Variants in FBRSL1 observed in about 807,000 individuals in gnomAD.
FBRSL1 encodes the protein fibrosin-1-like protein.
FBRSL1 carries 51 observed loss-of-function variants against 89.6 expected under a neutral mutation model. The ratio of observed to expected loss-of-function variants is 0.57; its 90% CI spans 0.45 to 0.72. The LOEUF is 0.72. Among genes scored for constraint, FBRSL1 ranks in the 30% least tolerant of loss-of-function variants. The pLI is 0.00. For missense variants in FBRSL1, 1,618 were observed against 1,451.8 expected (o/e 1.11, Z -1.86); for synonymous variants, 779 against 681.1 (o/e 1.14, Z -2.24).
chr12:132,504,868 G>A (rs191718072), intron 1 of FBRSL1, among the ~76,000 whole-genome samples: 9 of 152,210 alleles, frequency 5.9e-5, no homozygotes, highest in East Asian at 1.9e-4. Context: ...GGTGGCTCAC[G>A]CCTGTAATCC....
intron 1 of FBRSL1, among the ~76,000 whole-genome samples, chr12:132,500,859 T>C (rs1388548809): frequency 6.6e-6 from 1 of 152,132 alleles, no homozygotes; most frequent in Non-Finnish European, 1.5e-5. Flanking sequence ...TGCCGCAGTG[T>C]CCCCCACAGC....
At chr12:132,521,878 T>C (rs909878865) in intron 2 of FBRSL1, among the ~76,000 whole-genome samples, 1 of 152,168 alleles carries the variant, frequency 6.6e-6, no homozygotes, top group Non-Finnish European at 1.5e-5. Flanking sequence ...TGCTCCACTT[T>C]GGGCGGGGCC....
At chr12:132,532,198 C>A (rs1220349229) in intron 4 of FBRSL1, among the ~76,000 whole-genome samples, 2 of 152,152 alleles carry the variant, frequency 1.3e-5, no homozygotes, top group Non-Finnish European at 2.9e-5. Flanking sequence ...GTGGTGGTGG[C>A]AGCCCATGGT....
At chr12:132,536,850 T>C (rs1230846096) in intron 4 of FBRSL1, among the ~76,000 whole-genome samples, 1 of 152,264 alleles carries the variant, frequency 6.6e-6, no homozygotes, top group East Asian at 1.9e-4. Context: ...CATGACTGCA[T>C]GTGAGTGCAC....
chr12:132,569,498 C>T (rs2039862749), intron 6 of FBRSL1, among the ~76,000 whole-genome samples: 1 of 152,176 alleles, frequency 6.6e-6, no homozygotes, highest in Non-Finnish European at 1.5e-5. Context: ...GGGCCGTGAA[C>T]ATGAGGCCTA....
intron 2 of FBRSL1, chr12:132,510,727 C>G: frequency 8.3e-7 from 1 of 1,209,772 alleles, no homozygotes; most frequent in Non-Finnish European, 1.0e-6. Flanking sequence ...GCTCCCTCTC[C>G]CCCCACTGGC....
chr12:132,540,664 G>A (rs1235763841), intron 4 of FBRSL1, among the ~76,000 whole-genome samples: 2 of 152,124 alleles, frequency 1.3e-5, no homozygotes, highest in Admixed American at 1.3e-4. Context: ...AGCCACCTGT[G>A]GTGTGTGTGG....
chr12:132,517,375 C>T lies in FBRSL1; in HGVS notation c.490-8359C>T, dbSNP rs563778646. On this transcript the variant is annotated intron_variant, in intron 2 of 18. Transcript: ENST00000680143. The stretch of plus-strand genomic sequence containing the variant: ...CCCCACAGCCTGGGGCTAGCCGTTC[C>T]GGGGCGAGCATGGCCACCTCTGCTT... Among the ~76,000 whole-genome samples the T allele has an allele frequency of 1.4e-3, 215 of 152,324 alleles. 2 individuals are homozygous for T. The highest frequency in any genetic ancestry group is 0.01 in the Middle Eastern group (3 of 294).
rs1411789546 is a variant in FBRSL1 at position 132,499,221 on chromosome 12, C to T, written c.291+8360C>T. 6.6e-6 allele frequency among the ~76,000 whole-genome samples: 1 copy of T among 151,712 alleles called. No homozygotes were observed. On this transcript the variant is annotated intron_variant, in intron 1 of 18. Coordinates refer to ENST00000680143, the MANE Select transcript of FBRSL1 (RefSeq NM_001367871.1). This position sits in a 1 kb window ranked among gnomAD's most constrained non-coding sequence, Gnocchi z 4.3. Reference sequence around the variant, plus strand: ...AGGGCCGGCCAGGCAGGGATGGTGCCGGGCAGGGGTGGTGCCGGGCAGGGG... The same window carrying T: ...AGGGCCGGCCAGGCAGGGATGGTGCTGGGCAGGGGTGGTGCCGGGCAGGGG...
At chr12:132,558,221 G>A (rs554219185) in intron 5 of FBRSL1, among the ~76,000 whole-genome samples, 30 of 152,282 alleles carry the variant, frequency 2.0e-4, no homozygotes, top group African/African-American at 6.5e-4. Flanking sequence ...CAAATGGAGC[G>A]GCCCCATCCC....
chr12:132,525,414 G>C (rs146643545), intron 2 of FBRSL1, among the ~76,000 whole-genome samples: 1 of 152,344 alleles, frequency 6.6e-6, no homozygotes, highest in Non-Finnish European at 1.5e-5. Flanking sequence ...CTCCAAGCAC[G>C]TGGCGGTTCT....
At chr12:132,537,578 G>A (rs1340472993) in intron 4 of FBRSL1, among the ~76,000 whole-genome samples, 2 of 152,236 alleles carry the variant, frequency 1.3e-5, no homozygotes, top group Non-Finnish European at 2.9e-5. Flanking sequence ...GTGGTGCTAA[G>A]CAGGTGTCTA....
chr12:132,522,934 G>T (rs138184826), intron 2 of FBRSL1, among the ~76,000 whole-genome samples: 37 of 152,308 alleles, frequency 2.4e-4, no homozygotes, highest in African/African-American at 8.7e-4. Context: ...CTCTAGGGGG[G>T]GCAGGGGCTT....
At chr12:132,538,740 T>A (rs974644755) in intron 4 of FBRSL1, among the ~76,000 whole-genome samples, 1 of 152,192 alleles carries the variant, frequency 6.6e-6, no homozygotes, top group Non-Finnish European at 1.5e-5. Flanking sequence ...TGTTAATTGC[T>A]CATTAATTGG....
intron 15 of FBRSL1, among the ~76,000 whole-genome samples, chr12:132,578,606 A>G (rs1256306557): frequency 6.6e-6 from 1 of 152,126 alleles, no homozygotes; most frequent in African/African-American, 2.4e-5. Context: ...ACGTACACAC[A>G]GGCACAGGCA....
chr12:132,523,772 G>C (rs2035561183), intron 2 of FBRSL1, among the ~76,000 whole-genome samples: 1 of 152,236 alleles, frequency 6.6e-6, no homozygotes, highest in African/African-American at 2.4e-5. Flanking sequence ...CCTGGAGCGG[G>C]CTGGAAACTC....
At chr12:132,548,132 G>C in intron 5 of FBRSL1, 100 bp downstream of exon 5, 1 of 1,393,262 alleles carries the variant, frequency 7.2e-7, no homozygotes, top group South Asian at 1.3e-5. Context: ...GCAGAAGATC[G>C]GGCCTTGGGG....
intron 1 of FBRSL1, among the ~76,000 whole-genome samples, chr12:132,492,768 C>G (rs564833474): frequency 1.3e-5 from 2 of 152,350 alleles, no homozygotes; most frequent in East Asian, 3.9e-4. Context: ...AACACAGCCA[C>G]AGCACCCCAG....
At chr12:132,516,119 A>G (rs1264501957) in intron 2 of FBRSL1, among the ~76,000 whole-genome samples, 1 of 152,174 alleles carries the variant, frequency 6.6e-6, no homozygotes. Flanking sequence ...AACAAATTCA[A>G]CAGCTTAGGT....
Sources: allele counts gnomAD v4.1 joint callset (sites outside exome capture counted in the v4.1 genomes callset), GRCh38; gene constraint gnomAD v4.1.1; non-coding constraint Gnocchi (gnomAD v3.1); transcripts MANE v1.5; gene names NCBI Gene and HGNC (gene_info 2026-07-23, HGNC 2026-07-21).